Variants in RIPOR3 observed in about 807,000 individuals in gnomAD.
RIPOR3 encodes the protein family with sequence similarity 65 member C.
A neutral mutation model predicts 114.3 loss-of-function variants in RIPOR3; 95 were observed. That is an observed-to-expected ratio of 0.83 (90% confidence interval 0.70 to 0.99). The LOEUF (loss-of-function observed/expected upper bound fraction) is 0.99, where lower values mean the gene tolerates loss of function less well. Among genes scored for constraint, RIPOR3 ranks in the 50% least tolerant of loss-of-function variants. RIPOR3 has a pLI of 0.00. For missense variants in RIPOR3, 1,252 were observed against 1,266.9 expected (o/e 0.99, Z 0.18); for synonymous variants, 575 against 543.8 (o/e 1.06, Z -0.80).
intron 1 of RIPOR3, among the ~76,000 whole-genome samples, chr20:50,654,297 G>A (rs1468377238): frequency 6.6e-6 from 1 of 151,206 alleles, no homozygotes; most frequent in African/African-American, 2.4e-5. Context: ...CTCCCAAGTA[G>A]TTGGCACTAC....
intron 1 of RIPOR3, among the ~76,000 whole-genome samples, chr20:50,662,625 G>T (rs2086035397): frequency 6.6e-6 from 1 of 152,228 alleles, no homozygotes; most frequent in African/African-American, 2.4e-5. Flanking sequence ...GCCCACCACT[G>T]CCCTTCCATC....
chr20:50,610,328 G>A (rs950870833), intron 6 of RIPOR3, among the ~76,000 whole-genome samples: 3 of 152,146 alleles, frequency 2.0e-5, no homozygotes, highest in African/African-American at 7.2e-5. Context: ...AAGGGACAAG[G>A]GAATCTGTCC....
chr20:50,625,067 TTTG>T (rs1364401226), intron 2 of RIPOR3, among the ~76,000 whole-genome samples: 13 of 141,318 alleles, frequency 9.2e-5, no homozygotes, highest in African/African-American at 2.9e-4. Flanking sequence ...TCTCAGTGCT[TTTG>T]TTTTTTTTTT....
intron 1 of RIPOR3, chr20:50,659,720 A>T (rs1016131726): frequency 6.6e-6 from 1 of 152,142 alleles, no homozygotes; most frequent in Non-Finnish European, 1.5e-5. Context: ...ATTAAGACCA[A>T]AATAGGCCTC....
chr20:50,666,197 C>CTTTTCTTTTCTTTTCTTTTCTTTTCTT (rs2086213910), intron 1 of RIPOR3, among the ~76,000 whole-genome samples: 5 of 93,440 alleles, frequency 5.4e-5, no homozygotes, highest in Non-Finnish European at 1.0e-4. Context: ...CTTTTCTTTT[C>CTTTTCTTTTCTTTTCTTTTCTTTTCTT]TTTTCTTTTC....
intron 15 of RIPOR3, 115 bp downstream of exon 15, chr20:50,596,025 C>T: frequency 1.4e-6 from 2 of 1,455,998 alleles, no homozygotes; most frequent in South Asian, 1.3e-5. Flanking sequence ...CACGGGCTTC[C>T]AGGATGCAGG....
intron 15 of RIPOR3, 93 bp from the exon 16 acceptor site, chr20:50,595,597 T>C: frequency 6.5e-7 from 1 of 1,528,888 alleles, no homozygotes; most frequent in African/African-American, 1.4e-5. Flanking sequence ...TGTGCCCATC[T>C]CTTCTGTCCC....
chr20:50,650,534 G>A (rs2085563362), intron 1 of RIPOR3, among the ~76,000 whole-genome samples: 1 of 152,094 alleles, frequency 6.6e-6, no homozygotes, highest in Admixed American at 6.6e-5. Context: ...AAACTCCTGA[G>A]CTTAAGTGAT....
chr20:50,615,955 C>T (rs371551598), intron 4 of RIPOR3, 47 bp downstream of exon 4: 1 of 1,556,478 alleles, frequency 6.4e-7, no homozygotes. Context: ...ATCTTTTACT[C>T]CTGGCCAAGG....
chr20:50,665,331 C>G (rs2086148603), intron 1 of RIPOR3, among the ~76,000 whole-genome samples: 1 of 150,838 alleles, frequency 6.6e-6, no homozygotes, highest in Non-Finnish European at 1.5e-5. Context: ...ACTGTGGTCC[C>G]AGCTACTCAG....
chr20:50,685,925 C>T (rs1257736697), intron 1 of RIPOR3, among the ~76,000 whole-genome samples: 2 of 151,700 alleles, frequency 1.3e-5, no homozygotes, highest in African/African-American at 4.8e-5. Flanking sequence ...TCCAGGACAC[C>T]TGTTGGTTGA....
chr20:50,680,202 A>G (rs972468209), intron 1 of RIPOR3, among the ~76,000 whole-genome samples: 5 of 152,212 alleles, frequency 3.3e-5, no homozygotes, highest in Non-Finnish European at 7.3e-5. Context: ...ACAGATTCTC[A>G]TAACTCAGGC....
At chr20:50,634,982 G>A (rs1181478997) in intron 1 of RIPOR3, among the ~76,000 whole-genome samples, 2 of 152,166 alleles carry the variant, frequency 1.3e-5, no homozygotes, top group African/African-American at 2.4e-5. Context: ...GCAGTGAGCC[G>A]AGATCAAGCC....
chr20:50,667,224 C>T (rs1263437460), intron 1 of RIPOR3, among the ~76,000 whole-genome samples: 1 of 151,988 alleles, frequency 6.6e-6, no homozygotes, highest in Non-Finnish European at 1.5e-5. Context: ...CCCAAACGAG[C>T]CTCCCTGGCC....
chr20:50,630,752 CTG>C lies in RIPOR3; in HGVS notation c.106_107del (p.Gln36GlufsTer63), dbSNP rs1302662550. 1 of 1,610,952 alleles carries C rather than the reference CTG, an allele frequency of 6.2e-7. No homozygotes were observed. Among genetic ancestry groups the C allele is most frequent in the Non-Finnish European group, 8.5e-7 (1 of 1,178,988 alleles). On this transcript the variant is annotated frameshift_variant, in exon 2 of 22. Coordinates refer to ENST00000327979, the MANE Select transcript of RIPOR3 (RefSeq NM_001290268.2). LOFTEE classifies it high-confidence loss of function. The stretch of plus-strand genomic sequence containing the variant: ...GGGGAACTTACGCGATCCTCCGGCT[CTG>C]TGCACTGCTGAAGCCTGCGAAGGAG... ...SASFAGFSSA[Q>X]SRRIAKSINR...
At chr20:50,609,847 G>A (rs1018492154) in intron 6 of RIPOR3, 125 bp from the exon 7 acceptor site, 11 of 1,136,750 alleles carry the variant, frequency 9.7e-6, no homozygotes, top group African/African-American at 6.5e-5. Flanking sequence ...CCAGCCCATG[G>A]TGACAGTCAC....
chr20:50,599,616 A>C (rs952178964), intron 13 of RIPOR3, among the ~76,000 whole-genome samples: 7 of 152,082 alleles, frequency 4.6e-5, no homozygotes, highest in Non-Finnish European at 1.0e-4. Flanking sequence ...AAACTTGAAA[A>C]ACATGGCATT....
chr20:50,653,861 TA>T (rs1243226369), intron 1 of RIPOR3: 3 of 152,270 alleles, frequency 2.0e-5, no homozygotes, highest in East Asian at 3.9e-4. Context: ...CTCACTGGCA[TA>T]ATCAGTGCTG....
intron 1 of RIPOR3, among the ~76,000 whole-genome samples, chr20:50,650,778 G>A (rs1454617661): frequency 6.6e-6 from 1 of 152,132 alleles, no homozygotes; most frequent in Non-Finnish European, 1.5e-5. Flanking sequence ...GTCTCAGTGA[G>A]TGGAATATTA....
Sources: allele counts gnomAD v4.1 joint callset (sites outside exome capture counted in the v4.1 genomes callset), GRCh38; gene constraint gnomAD v4.1.1; transcripts MANE v1.5; gene names NCBI Gene and HGNC (gene_info 2026-07-23, HGNC 2026-07-21).